HECTD4: variants seen among roughly 807,000 people sequenced by gnomAD.
The protein encoded by HECTD4 is HECT domain E3 ubiquitin protein ligase 4.
In HECTD4, 114 loss-of-function variants were observed where a neutral mutation model predicts 471.5. The ratio of observed to expected loss-of-function variants is 0.24; its 90% CI spans 0.21 to 0.28. HECTD4 has a LOEUF of 0.28. Ranked by LOEUF, HECTD4 falls within the 10% of genes least tolerant of loss-of-function variation. The pLI, the probability that HECTD4 is intolerant of heterozygous loss-of-function variation, is 1.00. For missense variants in HECTD4, 3,866 were observed against 5,651.5 expected (o/e 0.68, Z 10.13); for synonymous variants, 2,012 against 2,256.0 (o/e 0.89, Z 3.07).
Position 112,171,231 on chromosome 12 carries a change from C to A in HECTD4, c.11818G>T (p.Ala3940Ser). 1.2e-6 allele frequency: 2 copies of A among 1,611,136 alleles called. No homozygotes were observed. Among genetic ancestry groups the A allele is most frequent in the African/African-American group, 2.7e-5 (2 of 74,980 alleles). Reference sequence around the variant, plus strand: ...GTGGTGTTGAGGGACTGCAGCAAGGCGAAGCGCAGGCGCAGGCTCTCGATG... The same window carrying A: ...GTGGTGTTGAGGGACTGCAGCAAGGAGAAGCGCAGGCGCAGGCTCTCGATG... ...VPIESLRLRFALLQSLNTTLE... is the reference protein window; with the variant it reads ...VPIESLRLRFSLLQSLNTTLE... Residue 3940 changes from alanine (A) to serine (S), a missense_variant, in exon 68 of 76, where the codon GCC becomes TCC. Ala to Ser is a moderately conservative substitution (Grantham distance 99). Coordinates refer to ENST00000682272, the MANE Select transcript of HECTD4 (RefSeq NM_001388303.1).
At chr12:112,178,855 C>T in intron 64 of HECTD4, 76 bp downstream of exon 64, 1 of 1,467,722 alleles carries the variant, frequency 6.8e-7, no homozygotes, top group Non-Finnish European at 9.1e-7. Flanking sequence ...GAGCTGCCGC[C>T]CCTCAGGCTC....
At chr12:112,348,487 G>A (rs1211509704) in intron 1 of HECTD4, among the ~76,000 whole-genome samples, 10 of 152,158 alleles carry the variant, frequency 6.6e-5, no homozygotes, top group South Asian at 2.1e-4. Flanking sequence ...AATGTGGGCC[G>A]GGAGATCATG....
At chr12:112,357,261 T>C (rs1476145602) in intron 1 of HECTD4, among the ~76,000 whole-genome samples, 1 of 151,554 alleles carries the variant, frequency 6.6e-6, no homozygotes, top group African/African-American at 2.4e-5. Context: ...GGAAAAGTCA[T>C]AATAAAAAAA....
At chr12:112,227,043 C>T (rs1428857728) in intron 43 of HECTD4, among the ~76,000 whole-genome samples, 1 of 152,226 alleles carries the variant, frequency 6.6e-6, no homozygotes, top group East Asian at 1.9e-4. Flanking sequence ...GAGAAATCAG[C>T]ACTGTCTCTT....
At chr12:112,256,756 G>GACAAC (rs1309711652) in intron 20 of HECTD4, 1 of 303,952 alleles carries the variant, frequency 3.3e-6, no homozygotes, top group Non-Finnish European at 5.9e-6. Flanking sequence ...CTTTTTCCAG[G>GACAAC]ACAAGAAGCA....
At position 112,204,632 on chromosome 12, in the gene HECTD4, T is replaced by C; in HGVS notation, c.8132-9A>G. 1 of 1,609,794 alleles carries C rather than the reference T, an allele frequency of 6.2e-7. No homozygotes were observed. The highest frequency in any genetic ancestry group is 1.1e-5 in the South Asian group (1 of 90,670). Reference sequence around the variant, plus strand: ...GGCAATATCCACCATACCTAAAAAATATAACAGCACAGGGTAACTCCCCAA... The same window carrying C: ...GGCAATATCCACCATACCTAAAAAACATAACAGCACAGGGTAACTCCCCAA... On this transcript the variant is annotated splice_polypyrimidine_tract_variant and intron_variant, in intron 52 of 75. Transcript: ENST00000682272.
chr12:112,294,463 A>G (rs144151695), intron 7 of HECTD4, among the ~76,000 whole-genome samples: 114 of 152,336 alleles, frequency 7.5e-4, no homozygotes, highest in African/African-American at 2.5e-3. Flanking sequence ...GTGAATTTAG[A>G]AACAGGTACT....
chr12:112,376,168 T>G (rs2036774408), intron 1 of HECTD4, among the ~76,000 whole-genome samples: 1 of 152,188 alleles, frequency 6.6e-6, no homozygotes, highest in Non-Finnish European at 1.5e-5. Flanking sequence ...TTTTTCTTTT[T>G]TTTTCTCTTT....
Position 112,382,097 on chromosome 12 carries a change from G to A in HECTD4, c.32C>T (p.Ala11Val). 1.6e-6 allele frequency: 2 copies of A among 1,226,302 alleles called. No individual in the cohort carries two copies. The highest frequency in any genetic ancestry group is 2.0e-6 in the Non-Finnish European group (2 of 985,504). The allele number at this position is 1,226,302 out of a possible 1,614,324, so 76.0% of individuals were successfully genotyped here. Residue 11 changes from alanine to valine, a missense_variant, in exon 1 of 76, where the codon GCG (alanine) becomes GTG (valine). Ala to Val is a moderately conservative substitution (Grantham distance 64). Around this residue, in one of 16 missense-constraint regions of HECTD4, gnomAD observed 440 missense variants for 636.0 expected, o/e 0.69. Coordinates refer to ENST00000682272, the MANE Select transcript of HECTD4 (RefSeq NM_001388303.1). Reference protein sequence around the residue: MGSSAAAAAAAAAAADSAQWL... With the variant: MGSSAAAAAAVAAAADSAQWL... Reference sequence around the variant, plus strand: ...CTGCGCCGAGTCAGCGGCCGCCGCCGCCGCCGCCGCCGCGGCCGCCGACGA... The same window carrying A: ...CTGCGCCGAGTCAGCGGCCGCCGCCACCGCCGCCGCCGCGGCCGCCGACGA...
intron 25 of HECTD4, 105 bp downstream of exon 25, chr12:112,250,038 TA>T: frequency 1.2e-6 from 1 of 812,108 alleles, no homozygotes; most frequent in Non-Finnish European, 2.0e-6. Context: ...GGAGTAAACA[TA>T]AAATTAAAGT....
At chr12:112,336,975 T>C (rs2035969363) in intron 1 of HECTD4, among the ~76,000 whole-genome samples, 1 of 152,216 alleles carries the variant, frequency 6.6e-6, no homozygotes, top group African/African-American at 2.4e-5. Flanking sequence ...TAGCCTTTCA[T>C]GATAGTTCTT....
intron 18 of HECTD4, among the ~76,000 whole-genome samples, chr12:112,259,500 A>G (rs2135598517): frequency 6.6e-6 from 1 of 151,642 alleles, no homozygotes; most frequent in South Asian, 2.1e-4. Context: ...ATTTTTGCCA[A>G]AAAATTTATA....
rs2030755256 is a variant in HECTD4, at chr12:112,163,012, A to G, written c.13120+30T>C. ...AACAGAGAAAGGCTAGTGTGTCCCT[A>G]CTTGGGACATGGCCAGGGGAGGGCG... On this transcript the variant is annotated intron_variant, in intron 75 of 75. Coordinates refer to ENST00000682272, the MANE Select transcript of HECTD4 (RefSeq NM_001388303.1). The surrounding 1 kb of genome is among the most constrained non-coding windows in gnomAD (Gnocchi z 8.2). The G allele has an allele frequency of 1.3e-6, 2 of 1,523,216 alleles. No homozygotes were observed. The highest frequency in any genetic ancestry group is 1.8e-6 in the Non-Finnish European group (2 of 1,108,398). 94.4% of individuals were successfully genotyped at this position (1,523,216 alleles called of 1,614,324 possible).
chr12:112,171,392 G>A (rs1282705741), intron 67 of HECTD4, 129 bp from the exon 68 acceptor site: 7 of 1,440,714 alleles, frequency 4.9e-6, no homozygotes. Flanking sequence ...CCCTGGAGAT[G>A]CTGTCAGTGA....
At chr12:112,259,932 T>C (rs2034106605) in intron 18 of HECTD4, among the ~76,000 whole-genome samples, 1 of 151,984 alleles carries the variant, frequency 6.6e-6, no homozygotes, top group Non-Finnish European at 1.5e-5. Context: ...AGCAGGCAGA[T>C]TTCTTCCCCC....
chr12:112,261,690 A>G (rs1311119690), intron 17 of HECTD4: 2 of 277,802 alleles, frequency 7.2e-6, no homozygotes, highest in Non-Finnish European at 6.8e-6. Flanking sequence ...GATCACACTG[A>G]GTCCCTAGGA....
At chr12:112,257,656 T>C (rs1182241653) in intron 20 of HECTD4, among the ~76,000 whole-genome samples, 2 of 152,226 alleles carry the variant, frequency 1.3e-5, no homozygotes, top group Non-Finnish European at 2.9e-5. Context: ...CATTGTTGTA[T>C]ATAACAAAAG....
Position 112,167,889 on chromosome 12 carries a change from C to T in HECTD4, c.12237G>A (p.Gln4079=), listed in dbSNP as rs2031039387. 1 of 1,613,444 alleles carries T rather than the reference C, an allele frequency of 6.2e-7. No homozygotes were observed. Among genetic ancestry groups the T allele is most frequent in the South Asian group, 1.1e-5 (1 of 91,086 alleles). Residue 4079 remains glutamine, a synonymous_variant, in exon 71 of 76, where the codon CAG becomes CAA. Transcript: ENST00000682272. ...TSGSFRHFLW[Q]VCKELQSSSL... ...AGGAACTCTGCAGCTCCTTACACAC[C>T]TGCCACAGGAAGTGGCGGAAAGAGC... is the stretch of plus-strand genomic sequence containing the variant.
At position 112,207,963 on chromosome 12, in the gene HECTD4, G is replaced by T; in HGVS notation, c.8042C>A (p.Thr2681Asn). The change falls in exon 52 of 76, where the codon ACC becomes AAC. Residue 2681 changes from threonine (T) to asparagine (N), a missense_variant. This residue lies in a region of HECTD4 where 266 missense variants were observed against 441.6 expected (regional missense o/e 0.60). Coordinates refer to ENST00000682272, the MANE Select transcript of HECTD4 (RefSeq NM_001388303.1). The part of the protein sequence containing the change: ...HYALLVKAWE[T>N]KVFPTIRRRF... Reference sequence around the variant, plus strand: ...TCTTCGGATGGTAGGAAAAACCTTGGTCTCCCATGCTTTCACCAGCAGGGC... The same window carrying T: ...TCTTCGGATGGTAGGAAAAACCTTGTTCTCCCATGCTTTCACCAGCAGGGC... 6.2e-7 allele frequency: 1 copy of T among 1,613,708 alleles called. No homozygotes were observed. Among genetic ancestry groups the T allele is most frequent in the Non-Finnish European group, 8.5e-7 (1 of 1,179,794 alleles).
Sources: gnomAD v4.1 joint callset for allele counts (sites outside exome capture counted in the v4.1 genomes callset) on GRCh38, gnomAD v4.1.1 for gene constraint, gnomAD v4.1.1 regional missense constraint, Gnocchi (gnomAD v3.1) non-coding constraint, MANE v1.5 for transcripts, NCBI Gene and HGNC (gene_info 2026-07-23, HGNC 2026-07-21) for gene names.